The following ZDHHC21 variants were observed in gnomAD, a reference collection of about 807,000 sequenced individuals.
ZDHHC21 encodes zDHHC palmitoyltransferase 21, also known as palmitoyltransferase ZDHHC21.
A neutral mutation model predicts 34.6 loss-of-function variants in ZDHHC21; 15 were observed. The observed-to-expected ratio is 0.43, with a 90% confidence interval of 0.29 to 0.67. ZDHHC21 has a LOEUF of 0.67. ZDHHC21 is among the 30% of genes least tolerant of loss of function. ZDHHC21 has a pLI of 0.14. For missense variants in ZDHHC21, 344 were observed against 327.7 expected, an observed-to-expected ratio of 1.05 and a Z score of -0.38; for synonymous variants, 142 against 101.8, an observed-to-expected ratio of 1.40 and a Z score of -2.38.
intron 5 of ZDHHC21, among the ~76,000 whole-genome samples, chr9:14,671,442 G>C (rs1262662296): frequency 6.6e-6 from 1 of 152,006 alleles, no homozygotes; most frequent in Non-Finnish European, 1.5e-5. Flanking sequence ...GTCAATGTAG[G>C]AAATAAATGT....
At chr9:14,602,627 C>G in the ZDHHC21 span, among the ~76,000 whole-genome samples, 2 of 152,132 alleles carry the variant, frequency 1.3e-5, no homozygotes, top group South Asian at 2.1e-4. Flanking sequence ...AAATCCCCAT[C>G]AGACAAACAG....
At chr9:14,666,662 G>C (rs1275469522) in intron 5 of ZDHHC21, among the ~76,000 whole-genome samples, 2 of 108,982 alleles carry the variant, frequency 1.8e-5, no homozygotes, top group African/African-American at 6.1e-5. Flanking sequence ...TCAGACCACA[G>C]TGCAATCAAA....
the ZDHHC21 span, among the ~76,000 whole-genome samples, chr9:14,598,597 A>G: frequency 6.6e-6 from 1 of 152,196 alleles, no homozygotes; most frequent in Non-Finnish European, 1.5e-5. Context: ...CCATCAAAAG[A>G]TTCCAACAAG....
At position 14,634,449 on chromosome 9, in the gene ZDHHC21, C is replaced by A. The variant is rs376790238; in HGVS notation, c.621+5447G>T. ...AGTGCCAATGCCACCCTGGTGCCCA[C>A]GGACAGGCCCACTTGCTGCTGCCAC... On this transcript the variant is annotated intron_variant, in intron 8 of 9. Transcript: ENST00000380916. Among the ~76,000 whole-genome samples the A allele has an allele frequency of 1.4e-4, 21 of 152,286 alleles. 1 individual carries two copies. In the South Asian group the frequency reaches 4.1e-3, roughly 30 times the overall value.
chr9:14,674,153 A>T, intron 4 of ZDHHC21, 34 bp downstream of exon 4: 1 of 1,422,524 alleles, frequency 7.0e-7, no homozygotes, highest in Non-Finnish European at 9.3e-7. Flanking sequence ...TGAGAAAAAT[A>T]ATTATACAAG....
At position 14,672,882 on chromosome 9, in the gene ZDHHC21, G is replaced by T; in HGVS notation, c.201C>A (p.Ala67=). Reference sequence around the variant, plus strand: ...GGAGTCTTCCTGGATCAGTTATGGAGGCCCTCACTAAGGCAACCAGACAGA... The same window carrying T: ...GGAGTCTTCCTGGATCAGTTATGGATGCCCTCACTAAGGCAACCAGACAGA... ...SIFCLVALVR[A]SITDPGRLPE... is the part of the protein sequence containing the mutation. The change falls in exon 5 of 10, where the codon GCC becomes GCA. Residue 67 remains alanine, a synonymous_variant. Coordinates refer to ENST00000380916, the MANE Select transcript of ZDHHC21 (RefSeq NM_178566.6). 2 of 1,608,162 alleles carry T rather than the reference G, an allele frequency of 1.2e-6. No homozygotes were observed. The highest frequency in any genetic ancestry group is 1.7e-6 in the Non-Finnish European group (2 of 1,176,222).
At chr9:14,602,916 G>C in the ZDHHC21 span, among the ~76,000 whole-genome samples, 2 of 100,154 alleles carry the variant, frequency 2.0e-5, no homozygotes, top group Admixed American at 1.5e-4. Flanking sequence ...AACAGAGAGA[G>C]AGACTTCATC....
At chr9:14,657,169 G>C (rs747053676) in intron 7 of ZDHHC21, among the ~76,000 whole-genome samples, 52 of 151,954 alleles carry the variant, frequency 3.4e-4, no homozygotes, top group Non-Finnish European at 4.0e-4. Flanking sequence ...AATTTCCTTA[G>C]TTGGTCATCA....
chr9:14,595,513 T>C, the ZDHHC21 span, among the ~76,000 whole-genome samples: 4 of 152,174 alleles, frequency 2.6e-5, no homozygotes, highest in Non-Finnish European at 4.4e-5. Context: ...CTTTCTAAGG[T>C]GATGGAAATG....
At chr9:14,607,082 CAAAAAAAAA>C (rs3081725), downstream of ZDHHC21, among the ~76,000 whole-genome samples, 1 of 131,732 alleles carries the variant, frequency 7.6e-6, no homozygotes, top group Non-Finnish European at 1.6e-5. Context: ...TTACTAATAG[CAAAAAAAAA>C]AAAAAAAAAT....
chr9:14,610,833 A>T (rs1307207953), downstream of ZDHHC21, among the ~76,000 whole-genome samples: 1 of 152,184 alleles, frequency 6.6e-6, no homozygotes, highest in Non-Finnish European at 1.5e-5. Context: ...TAAGATAAAC[A>T]TGCCTAACTA....
intron 7 of ZDHHC21, among the ~76,000 whole-genome samples, chr9:14,657,020 T>C (rs1416791609): frequency 6.6e-6 from 1 of 152,056 alleles, no homozygotes. Context: ...TATTCAAATA[T>C]AACCCATAAT....
At chr9:14,633,151 T>G (rs1827647299) in intron 8 of ZDHHC21, among the ~76,000 whole-genome samples, 1 of 152,124 alleles carries the variant, frequency 6.6e-6, no homozygotes, top group South Asian at 2.1e-4. Flanking sequence ...CTCACCTCCT[T>G]CACAAAGAAG....
At position 14,674,216 on chromosome 9, in the gene ZDHHC21, T is replaced by C; in HGVS notation, c.125A>G (p.Glu42Gly). Residue 42 changes from glutamate to glycine, a missense_variant, in exon 4 of 10, where the codon GAA (glutamate) becomes GGA (glycine). Coordinates refer to ENST00000380916, the MANE Select transcript of ZDHHC21 (RefSeq NM_178566.6). The part of the protein sequence containing the change: ...PKIVLFPHYE[E>G]GHIPGILIII... The stretch of plus-strand genomic sequence containing the variant: ...TATTAATATGCCTGGAATATGTCCT[T>C]CTTCATAGTGAGGAAAGAGGACAAT... 1 of 1,560,304 alleles carries C rather than the reference T, an allele frequency of 6.4e-7. No individual in the cohort carries two copies. The highest frequency in any genetic ancestry group is 8.6e-7 in the Non-Finnish European group (1 of 1,157,518).
At chr9:14,626,445 A>G (rs1260792101) in intron 8 of ZDHHC21, among the ~76,000 whole-genome samples, 1 of 152,004 alleles carries the variant, frequency 6.6e-6, no homozygotes, top group Non-Finnish European at 1.5e-5. Context: ...TCACTCAAGC[A>G]ATCAGTAGTG....
intron 3 of ZDHHC21, among the ~76,000 whole-genome samples, chr9:14,676,787 A>G (rs1836470587): frequency 6.6e-6 from 1 of 152,056 alleles, no homozygotes; most frequent in South Asian, 2.1e-4. Flanking sequence ...CTACACAGTT[A>G]AAAAGAGAAA....
intron 8 of ZDHHC21, among the ~76,000 whole-genome samples, chr9:14,631,504 T>C (rs1025616287): frequency 2.6e-5 from 4 of 152,234 alleles, no homozygotes; most frequent in Admixed American, 1.3e-4. Context: ...TTCTGTGAAG[T>C]AGCATTTTAA....
rs77141928 is a variant in ZDHHC21 at position 14,653,295 on chromosome 9, G to C, written c.504+5454C>G. ...AAAGACTTGCAAAAAACACTGATGA[G>C]GCAGTATTTTTTGAAGAATATTCCA... On this transcript the variant is annotated intron_variant, in intron 7 of 9. Transcript: ENST00000380916. Among the ~76,000 whole-genome samples the C allele has an allele frequency of 6.1e-3, 928 of 151,810 alleles. 14 individuals carry two copies. The highest frequency in any genetic ancestry group is 0.021 in the African/African-American group (865 of 41,448).
downstream of ZDHHC21, among the ~76,000 whole-genome samples, chr9:14,608,521 T>C (rs539058218): frequency 4.5e-4 from 69 of 152,276 alleles, no homozygotes; most frequent in African/African-American, 1.2e-3. Context: ...ACACTGCTAT[T>C]TTTATTGTGT....
Sources: allele counts gnomAD v4.1 joint callset (sites outside exome capture counted in the v4.1 genomes callset), GRCh38; gene constraint gnomAD v4.1.1; transcripts MANE v1.5; gene names NCBI Gene and HGNC (gene_info 2026-07-23, HGNC 2026-07-21).